Variants in NTM observed in about 807,000 individuals in gnomAD.
The protein encoded by NTM is IgLON family member 2.
NTM carries 13 observed loss-of-function variants against 42.1 expected under a neutral mutation model. That is an observed-to-expected ratio of 0.31 (90% CI 0.20 to 0.49). NTM has a LOEUF of 0.49. Ranked by LOEUF, NTM falls within the 20% of genes least tolerant of loss-of-function variation. The pLI is 0.99. For missense variants in NTM, 373 were observed against 452.8 expected, an observed-to-expected ratio of 0.82 and a Z score of 1.60; for synonymous variants, 187 against 179.2, an observed-to-expected ratio of 1.04 and a Z score of -0.35.
At chr11:132,322,104 G>A (rs2095582940) in intron 7 of NTM, among the ~76,000 whole-genome samples, 1 of 151,794 alleles carries the variant, frequency 6.6e-6, no homozygotes, top group African/African-American at 2.4e-5. Context: ...TCGAGACTAG[G>A]AAGAAACTGC....
chr11:131,893,409 C>T (rs914115827), intron 1 of NTM, among the ~76,000 whole-genome samples: 2 of 152,080 alleles, frequency 1.3e-5, no homozygotes, highest in Non-Finnish European at 2.9e-5. Context: ...TGTTAATTAA[C>T]GTTGCAAAGA....
At chr11:131,975,099 G>C (rs1235100886) in intron 2 of NTM, among the ~76,000 whole-genome samples, 1 of 152,148 alleles carries the variant, frequency 6.6e-6, no homozygotes, top group African/African-American at 2.4e-5. Flanking sequence ...TTCAGGTACA[G>C]TAATATAACT....
At chr11:131,835,854 A>G (rs1295387425) in intron 1 of NTM, among the ~76,000 whole-genome samples, 1 of 152,230 alleles carries the variant, frequency 6.6e-6, no homozygotes, top group Non-Finnish European at 1.5e-5. Flanking sequence ...ATAGGGACAT[A>G]TCCACCCAAT....
chr11:132,330,274 G>C (rs1489493077), intron 8 of NTM, 89 bp downstream of exon 8: 1 of 1,435,518 alleles, frequency 7.0e-7, no homozygotes, highest in African/African-American at 1.4e-5. Flanking sequence ...TCTTTCCTGA[G>C]CTAACTCCAG....
intron 1 of NTM, among the ~76,000 whole-genome samples, chr11:131,449,307 C>T (rs1950301606): frequency 6.6e-6 from 1 of 152,192 alleles, no homozygotes; most frequent in Non-Finnish European, 1.5e-5. Flanking sequence ...GGTGTGGCTG[C>T]TCACTCAGGT....
chr11:131,979,221 C>G (rs2064873448), intron 2 of NTM, among the ~76,000 whole-genome samples: 1 of 152,154 alleles, frequency 6.6e-6, no homozygotes, highest in Non-Finnish European at 1.5e-5. Flanking sequence ...CCCAGTCAAA[C>G]TCTAGTATAA....
At chr11:132,238,520 C>T (rs2089537493) in intron 4 of NTM, among the ~76,000 whole-genome samples, 1 of 136,770 alleles carries the variant, frequency 7.3e-6, no homozygotes, top group African/African-American at 2.8e-5. Context: ...CAGCAACCCA[C>T]AATAGACAGA....
intron 1 of NTM, among the ~76,000 whole-genome samples, chr11:131,799,251 G>C (rs2091898029): frequency 1.3e-5 from 2 of 152,122 alleles, no homozygotes; most frequent in Admixed American, 1.3e-4. Flanking sequence ...CATCCTTAGA[G>C]TGTGTACTTG....
intron 1 of NTM, among the ~76,000 whole-genome samples, chr11:131,514,673 G>C (rs1211530337): frequency 6.6e-6 from 1 of 152,048 alleles, no homozygotes; most frequent in African/African-American, 2.4e-5. Flanking sequence ...TGAACTCCCA[G>C]GCTCAAGCAA....
intron 2 of NTM, among the ~76,000 whole-genome samples, chr11:132,004,180 G>T (rs1170008772): frequency 6.6e-6 from 1 of 152,138 alleles, no homozygotes; most frequent in Non-Finnish European, 1.5e-5. Flanking sequence ...AGTAAAGATG[G>T]TGGCAAAAGG....
At chr11:131,960,349 G>T (rs975511239) in intron 2 of NTM, among the ~76,000 whole-genome samples, 1 of 152,196 alleles carries the variant, frequency 6.6e-6, no homozygotes, top group Non-Finnish European at 1.5e-5. Context: ...AGTTCTGCTA[G>T]AATAATTGAG....
At chr11:131,851,078 G>T (rs1350209606) in intron 1 of NTM, among the ~76,000 whole-genome samples, 2 of 152,042 alleles carry the variant, frequency 1.3e-5, no homozygotes, top group South Asian at 2.1e-4. Context: ...TAGTCCATGG[G>T]GAACCAAAAT....
chr11:132,165,580 C>A (rs2075141116), intron 3 of NTM, among the ~76,000 whole-genome samples: 1 of 152,290 alleles, frequency 6.6e-6, no homozygotes, highest in Non-Finnish European at 1.5e-5. Flanking sequence ...TCCCAACAAT[C>A]TTAGGTAGTA....
chr11:132,303,230 T>A (rs748106181), intron 4 of NTM, among the ~76,000 whole-genome samples: 3 of 152,222 alleles, frequency 2.0e-5, no homozygotes, highest in Non-Finnish European at 4.4e-5. Flanking sequence ...CTGGGTGCTT[T>A]ACAACAAGAA....
chr11:131,968,825 C>T (rs1014891186), intron 2 of NTM, among the ~76,000 whole-genome samples: 2 of 152,192 alleles, frequency 1.3e-5, no homozygotes, highest in Non-Finnish European at 2.9e-5. Flanking sequence ...GAGCCTTCCA[C>T]CCCCTTAATT....
intron 4 of NTM, among the ~76,000 whole-genome samples, chr11:132,269,523 G>T (rs1313599724): frequency 1.3e-5 from 2 of 152,096 alleles, no homozygotes; most frequent in Non-Finnish European, 2.9e-5. Flanking sequence ...TATTATATAG[G>T]TCTTATAATG....
intron 2 of NTM, among the ~76,000 whole-genome samples, chr11:132,054,726 G>A (rs1428674226): frequency 6.6e-6 from 1 of 152,220 alleles, no homozygotes; most frequent in African/African-American, 2.4e-5. Context: ...TTATGAACTT[G>A]AGATTTATAA....
intron 2 of NTM, among the ~76,000 whole-genome samples, chr11:131,929,741 G>A (rs1381836624): frequency 6.6e-6 from 1 of 152,126 alleles, no homozygotes; most frequent in African/African-American, 2.4e-5. Context: ...TATCGTGAAG[G>A]TTTCCTCGAA....
chr11:131,761,476 G>A (rs1461039475), intron 1 of NTM, among the ~76,000 whole-genome samples: 2 of 152,098 alleles, frequency 1.3e-5, no homozygotes, highest in Non-Finnish European at 2.9e-5. Context: ...ATAGTGATGA[G>A]GGTGAGGCCT....
Sources: gnomAD v4.1 joint callset for allele counts (sites outside exome capture counted in the v4.1 genomes callset) on GRCh38, gnomAD v4.1.1 for gene constraint, MANE v1.5 for transcripts, NCBI Gene and HGNC (gene_info 2026-07-23, HGNC 2026-07-21) for gene names.